Variants in PRKAG2 observed in about 807,000 individuals in gnomAD.
PRKAG2 encodes protein kinase AMP-activated non-catalytic subunit gamma 2, also known as 5'-AMP-activated protein kinase subunit gamma-2.
PRKAG2 carries 26 observed loss-of-function variants against 69.6 expected under a neutral mutation model. The ratio of observed to expected loss-of-function variants is 0.37; its 90% CI spans 0.27 to 0.52. The LOEUF (loss-of-function observed/expected upper bound fraction) is 0.52, where lower values mean the gene tolerates loss of function less well. Ranked by LOEUF, PRKAG2 falls within the 20% of genes least tolerant of loss-of-function variation. The probability of loss-of-function intolerance (pLI) is 0.90; values close to 1 mark genes in which losing one functional copy is unlikely to be tolerated. For synonymous variants in PRKAG2, 293 were observed against 285.0 expected (o/e 1.03, Z -0.28); for missense variants, 557 against 740.0 (o/e 0.75, Z 2.87).
Position 151,556,453 on chromosome 7 carries a change from GC to G in PRKAG2, c.*747del, listed in dbSNP as rs1563117393. On this transcript the variant is annotated 3_prime_UTR_variant, in exon 16 of 16. Coordinates refer to ENST00000287878, the MANE Select transcript of PRKAG2 (RefSeq NM_016203.4). ...GAGAGACCTCAGCTTTTAAAACCCA[GC>G]AGCGGCTATTTCAGAAGTCATGTCC... The G allele has an allele frequency of 1.3e-5, 2 of 152,780 alleles. No individual in the cohort carries two copies. The highest frequency in any genetic ancestry group is 2.4e-5 in the African/African-American group (1 of 41,576). The allele number at this position is 152,780 out of a possible 1,614,324, so 9.5% of individuals were successfully genotyped here.
intron 3 of PRKAG2, among the ~76,000 whole-genome samples, chr7:151,726,200 G>A (rs1349959185): frequency 6.6e-6 from 1 of 152,110 alleles, no homozygotes; most frequent in East Asian, 1.9e-4. Flanking sequence ...CAGAGGAACC[G>A]AGGGCTTCAG....
chr7:151,806,155 C>A (rs544114604), intron 1 of PRKAG2, among the ~76,000 whole-genome samples: 5 of 152,222 alleles, frequency 3.3e-5, no homozygotes, highest in African/African-American at 4.8e-5. Context: ...CACCACTGCA[C>A]CCCAGCTTGG....
chr7:151,777,776 T>G lies in PRKAG2; in HGVS notation c.466+3376A>C, dbSNP rs1039189659. On this transcript the variant is annotated intron_variant, in intron 3 of 15. Coordinates refer to ENST00000287878, the MANE Select transcript of PRKAG2 (RefSeq NM_016203.4). This position sits in a 1 kb window ranked among gnomAD's most constrained non-coding sequence, Gnocchi z 4.3. Reference sequence around the variant, plus strand: ...TAGTTTAATTTGAAAGCAAGGATGATAATAGTACCTCCCTGAAACCAACTG... The same window carrying G: ...TAGTTTAATTTGAAAGCAAGGATGAGAATAGTACCTCCCTGAAACCAACTG... Among the ~76,000 whole-genome samples the G allele has an allele frequency of 1.3e-5, 2 of 152,190 alleles. No individual in the cohort carries two copies. Among genetic ancestry groups the G allele is most frequent in the Non-Finnish European group, 1.5e-5 (1 of 68,034 alleles).
At chr7:151,631,184 T>C (rs1824311143) in intron 5 of PRKAG2, among the ~76,000 whole-genome samples, 1 of 152,236 alleles carries the variant, frequency 6.6e-6, no homozygotes. Context: ...AAAAGAGAAG[T>C]TGCTAAATAA....
At position 151,589,861 on chromosome 7, in the gene PRKAG2, G is replaced by A. The variant is rs573165044; in HGVS notation, c.864+5484C>T. On this transcript the variant is annotated intron_variant, in intron 6 of 15. Transcript: ENST00000287878. ...GAGGCACAAGAATTGCTTGAACCTG[G>A]GAGGCAGAGGTTGCAGTGAGCCAAG... is the stretch of plus-strand genomic sequence containing the variant. Among the ~76,000 whole-genome samples the A allele has an allele frequency of 2.0e-5, 3 of 152,266 alleles. No individual in the cohort carries two copies. In the South Asian group the frequency reaches 6.2e-4, roughly 32 times the overall value.
intron 1 of PRKAG2, among the ~76,000 whole-genome samples, chr7:151,832,503 G>A (rs2151877275): frequency 6.6e-6 from 1 of 152,074 alleles, no homozygotes; most frequent in African/African-American, 2.4e-5. Context: ...AAGGGAGGAG[G>A]GTCAGGGCGG....
At chr7:151,577,382 G>C (rs1809231383) in intron 6 of PRKAG2, among the ~76,000 whole-genome samples, 1 of 152,126 alleles carries the variant, frequency 6.6e-6, no homozygotes. Context: ...TGCTGAAAAT[G>C]ATCCTCTAAA....
rs536138909 is a variant in PRKAG2, at chr7:151,646,077, G to T, written c.685-13939C>A. Among the ~76,000 whole-genome samples the T allele has an allele frequency of 2.6e-5, 4 of 152,218 alleles. No individual in the cohort carries two copies. In the South Asian group the frequency reaches 8.3e-4, roughly 32 times the overall value. On this transcript the variant is annotated intron_variant, in intron 4 of 15. Coordinates refer to ENST00000287878, the MANE Select transcript of PRKAG2 (RefSeq NM_016203.4). ...TGATTTATATCTATACTTTCATCAT[G>T]ACCACACTGTTTTGATTACTGTAGC...
At chr7:151,825,285 G>C (rs917170719) in intron 1 of PRKAG2, among the ~76,000 whole-genome samples, 7 of 152,162 alleles carry the variant, frequency 4.6e-5, no homozygotes, top group Non-Finnish European at 1.0e-4. Context: ...TCGAATTAAA[G>C]GGCCTTTGAG....
chr7:151,626,250 G>A (rs538461673), intron 5 of PRKAG2, among the ~76,000 whole-genome samples: 13 of 152,198 alleles, frequency 8.5e-5, no homozygotes, highest in South Asian at 2.1e-4. Context: ...GGGATCTTCC[G>A]GTGACAAAAC....
intron 1 of PRKAG2, among the ~76,000 whole-genome samples, chr7:151,854,442 C>A (rs1563755860): frequency 6.6e-6 from 1 of 152,224 alleles, no homozygotes. Flanking sequence ...CTGAGACCTG[C>A]CCCCAAGAGC....
intron 3 of PRKAG2, among the ~76,000 whole-genome samples, chr7:151,689,091 C>T (rs1169146033): frequency 6.6e-6 from 1 of 152,240 alleles, no homozygotes; most frequent in African/African-American, 2.4e-5. Flanking sequence ...GGGACCCTGT[C>T]ACACTAAAGC....
intron 5 of PRKAG2, among the ~76,000 whole-genome samples, chr7:151,616,491 C>A (rs966277961): frequency 2.0e-5 from 3 of 152,226 alleles, no homozygotes; most frequent in Admixed American, 6.5e-5. Context: ...GCATCATGAA[C>A]CTGTCTTCCA....
At chr7:151,732,341 A>G (rs951171531) in intron 3 of PRKAG2, among the ~76,000 whole-genome samples, 5 of 151,698 alleles carry the variant, frequency 3.3e-5, no homozygotes, top group Non-Finnish European at 7.4e-5. Context: ...GTTTTACCAC[A>G]TTGTCCAGGC....
chr7:151,740,842 G>A (rs188134246), intron 3 of PRKAG2, among the ~76,000 whole-genome samples: 78 of 152,276 alleles, frequency 5.1e-4, no homozygotes, highest in African/African-American at 8.2e-4. Flanking sequence ...AATCAATGCC[G>A]GAGGGGACCC....
At chr7:151,735,784 C>T in intron 3 of PRKAG2, 1 of 1,370,594 alleles carries the variant, frequency 7.3e-7, no homozygotes, top group Non-Finnish European at 9.9e-7. Context: ...GATGTTATAT[C>T]CCAGTTGGAA....
chr7:151,796,583 T>C (rs2151832603), intron 1 of PRKAG2, among the ~76,000 whole-genome samples: 1 of 152,266 alleles, frequency 6.6e-6, no homozygotes, highest in East Asian at 1.9e-4. Flanking sequence ...TGTCATGGCA[T>C]CTTGTCACCC....
chr7:151,838,432 G>T (rs565647283), intron 1 of PRKAG2, among the ~76,000 whole-genome samples: 12 of 151,548 alleles, frequency 7.9e-5, no homozygotes, highest in Non-Finnish European at 1.8e-4. Context: ...GGGCAGGTGG[G>T]TGCAGTGGCT....
At position 151,638,294 on chromosome 7, in the gene PRKAG2, G is replaced by A. The variant is rs1336844329; in HGVS notation, c.685-6156C>T. ...GTTGGACTTTATGGAGAGAATGCCT[G>A]AGAAACATGGAGCCATCACAAGTGT... On this transcript the variant is annotated intron_variant, in intron 4 of 15. Transcript: ENST00000287878. The surrounding 1 kb of genome is among the most constrained non-coding windows in gnomAD (Gnocchi z 4.3). Among the ~76,000 whole-genome samples the A allele has an allele frequency of 1.3e-5, 2 of 152,198 alleles. No individual in the cohort carries two copies. Among genetic ancestry groups the A allele is most frequent in the Admixed American group, 6.5e-5 (1 of 15,276 alleles).
Sources: allele counts gnomAD v4.1 joint callset (sites outside exome capture counted in the v4.1 genomes callset), GRCh38; gene constraint gnomAD v4.1.1; non-coding constraint Gnocchi (gnomAD v3.1); transcripts MANE v1.5; gene names NCBI Gene and HGNC (gene_info 2026-07-23, HGNC 2026-07-21).